PPP6R3: variants seen among roughly 807,000 people sequenced by gnomAD.
The protein encoded by PPP6R3 is protein phosphatase 6 regulatory subunit 3, also known as serine/threonine-protein phosphatase 6 regulatory subunit 3.
A neutral mutation model predicts 110.7 loss-of-function variants in PPP6R3; 38 were observed. That is an observed-to-expected ratio of 0.34 (90% CI 0.26 to 0.45). The LOEUF (loss-of-function observed/expected upper bound fraction) is 0.45, where lower values mean the gene tolerates loss of function less well. PPP6R3 is among the 20% of genes least tolerant of loss of function. PPP6R3 has a pLI of 1.00. For missense variants in PPP6R3, 870 were observed against 1,062.4 expected, an observed-to-expected ratio of 0.82 and a Z score of 2.52; for synonymous variants, 369 against 373.5, an observed-to-expected ratio of 0.99 and a Z score of 0.14.
At position 68,596,177 on chromosome 11, in the gene PPP6R3, G is replaced by A. The variant is rs376760569; in HGVS notation, c.1997G>A (p.Ser666Asn). Residue 666 changes from serine to asparagine, a missense_variant, in exon 19 of 24, where the codon AGT becomes AAT. Coordinates refer to ENST00000393800, the MANE Select transcript of PPP6R3 (RefSeq NM_001164161.2). ...GAKQDLFEPSSANTEDKMEVD... is the reference protein window; with the variant it reads ...GAKQDLFEPSNANTEDKMEVD... ...AAGCAAGACTTGTTTGAACCCAGCA[G>A]TGCCAACACGGAGGATAAAATGGAG... 60 of 1,614,134 alleles carry A rather than the reference G, an allele frequency of 3.7e-5. No individual in the cohort carries two copies. Among genetic ancestry groups the A allele is most frequent in the Non-Finnish European group, 4.6e-5 (54 of 1,180,038 alleles).
intron 6 of PPP6R3, among the ~76,000 whole-genome samples, chr11:68,553,116 C>A (rs1204791708): frequency 1.3e-5 from 2 of 152,088 alleles, no homozygotes; most frequent in Non-Finnish European, 2.9e-5. Flanking sequence ...TATGAGTGTT[C>A]TGCCTGTATT....
In PPP6R3 at chr11:68,614,222, A is replaced by AT. The variant is rs140103060; in HGVS notation, c.*1112dup. 2,018 of 987,926 alleles carry AT rather than the reference A, an allele frequency of 2.0e-3. 34 individuals are homozygous for AT. The African/African-American group carries it at 0.033, about 16-fold the overall frequency. 61.2% of individuals were successfully genotyped at this position (987,926 alleles called of 1,614,324 possible). A position where few individuals can be genotyped will look rare whatever the true frequency, so the allele number is the denominator to read the frequency against. On this transcript the variant is annotated 3_prime_UTR_variant, in exon 24 of 24. Coordinates refer to ENST00000393800, the MANE Select transcript of PPP6R3 (RefSeq NM_001164161.2). ...TTCACTCATAAATTTAAACCAGTGT[A>AT]TTTTTTTAGAACTGGTTTGTGTATA... is the stretch of plus-strand genomic sequence containing the variant.
chr11:68,521,867 A>G (rs1057402057), intron 2 of PPP6R3, among the ~76,000 whole-genome samples: 2 of 152,136 alleles, frequency 1.3e-5, no homozygotes, highest in Non-Finnish European at 2.9e-5. Context: ...TTCTAGGGGG[A>G]TAATATTTCA....
At chr11:68,589,150 A>G (rs919351649) in intron 16 of PPP6R3, among the ~76,000 whole-genome samples, 1 of 152,066 alleles carries the variant, frequency 6.6e-6, no homozygotes, top group Admixed American at 6.6e-5. Flanking sequence ...CAGAGGTTGC[A>G]GTGAGCCAGG....
Position 68,609,931 on chromosome 11 carries a change from A to G in PPP6R3, c.2478A>G (p.Gln826=). The change falls in exon 23 of 24, where the codon CAA becomes CAG. Residue 826 remains glutamine (Q), a synonymous_variant. Coordinates refer to ENST00000393800, the MANE Select transcript of PPP6R3 (RefSeq NM_001164161.2). ...KSEEGKLSTS[Q]DAACKDAEEC... ...AGGAAGGGAAACTGTCTACCTCTCA[A>G]GATGCTGCTTGTAAAGACGCAGAGG... 6.2e-7 allele frequency: 1 copy of G among 1,614,096 alleles called. No individual in the cohort carries two copies. The highest frequency in any genetic ancestry group is 8.5e-7 in the Non-Finnish European group (1 of 1,180,004).
chr11:68,572,701 A>G (rs146866717), intron 12 of PPP6R3, among the ~76,000 whole-genome samples: 208 of 152,082 alleles, frequency 1.4e-3, no homozygotes, highest in Non-Finnish European at 1.8e-3. Flanking sequence ...AATTAGCCGG[A>G]TGTGGTGGTA....
chr11:68,540,947 C>T (rs1214967259), intron 3 of PPP6R3, among the ~76,000 whole-genome samples: 3 of 152,086 alleles, frequency 2.0e-5, no homozygotes, highest in Non-Finnish European at 4.4e-5. Context: ...ACAATTTGTG[C>T]AGTTAAGGCA....
chr11:68,525,076 T>G (rs2099189417), intron 2 of PPP6R3, among the ~76,000 whole-genome samples: 1 of 152,226 alleles, frequency 6.6e-6, no homozygotes, highest in Non-Finnish European at 1.5e-5. Flanking sequence ...AAGTGCACAC[T>G]TTGGAGCTAG....
chr11:68,614,398 C>G lies in PPP6R3; in HGVS notation c.*1281C>G. On this transcript the variant is annotated 3_prime_UTR_variant, in exon 24 of 24. Transcript: ENST00000393800. ...GGGTTAAATTACTTCACCTCTTGCA[C>G]TTTTAGATGCAAATCAGTTTTTCAT... The G allele has an allele frequency of 3.9e-6, 5 of 1,277,550 alleles. No individual in the cohort carries two copies. In the South Asian group the frequency reaches 9.5e-5, roughly 24 times the overall value. 79.1% of individuals were successfully genotyped at this position (1,277,550 alleles called of 1,614,324 possible). A position where few individuals can be genotyped will look rare whatever the true frequency, so the allele number is the denominator to read the frequency against.
chr11:68,543,292 T>A (rs1303874887), intron 3 of PPP6R3, among the ~76,000 whole-genome samples: 2 of 152,160 alleles, frequency 1.3e-5, no homozygotes, highest in Non-Finnish European at 2.9e-5. Flanking sequence ...AGCCCACTCC[T>A]GGGATAATGG....
chr11:68,583,540 CT>C (rs1322007956), intron 15 of PPP6R3, among the ~76,000 whole-genome samples: 8 of 152,218 alleles, frequency 5.3e-5, no homozygotes, highest in East Asian at 3.8e-4. Context: ...ACGAATACCC[CT>C]GATGTAAGTT....
chr11:68,594,733 C>T (rs960438291), intron 18 of PPP6R3, among the ~76,000 whole-genome samples: 2 of 152,168 alleles, frequency 1.3e-5, no homozygotes, highest in Non-Finnish European at 2.9e-5. Context: ...CAAGCTGCTT[C>T]TTAAATTCAT....
chr11:68,615,165 T>C lies in PPP6R3; in HGVS notation c.*2048T>C. The stretch of plus-strand genomic sequence containing the variant: ...ATGACAATGGGGAGGACAGTTCTTT[T>C]GGAGGTTGGAGGGGCCAAGCCAAGG... On this transcript the variant is annotated 3_prime_UTR_variant, in exon 24 of 24. Transcript: ENST00000393800. The C allele has an allele frequency of 2.2e-6, 1 of 446,714 alleles. No homozygotes were observed. The allele number at this position is 446,714 out of a possible 1,614,324, so 27.7% of individuals were successfully genotyped here. A position where few individuals can be genotyped will look rare whatever the true frequency, so the allele number is the denominator to read the frequency against.
intron 1 of PPP6R3, among the ~76,000 whole-genome samples, chr11:68,463,355 GAAAAAAA>G (rs1156285158): frequency 0.022 from 1,205 of 54,626 alleles, 22 homozygotes; most frequent in African/African-American, 0.074. Flanking sequence ...CTCAGTCTCA[GAAAAAAA>G]AAAAAAAAAA....
chr11:68,610,830 A>C (rs12798915), intron 23 of PPP6R3, among the ~76,000 whole-genome samples: 2 of 152,064 alleles, frequency 1.3e-5, no homozygotes, highest in South Asian at 2.1e-4. Flanking sequence ...ATTTCAGAGA[A>C]GTTTTAACCC....
chr11:68,559,343 C>G (rs1297333386), intron 8 of PPP6R3, among the ~76,000 whole-genome samples: 1 of 152,248 alleles, frequency 6.6e-6, no homozygotes, highest in Non-Finnish European at 1.5e-5. Context: ...CAGATTTACT[C>G]ATTATCAGAG....
In PPP6R3 at chr11:68,590,726, C is replaced by T. The variant is rs1285140239; in HGVS notation, c.1785+12C>T. ...ATACAAATGAAAGTGTAAGTATAAACTCTGTTGTGAGCAGTGTGGCACATG... is the reference window on the plus strand; with the variant it reads ...ATACAAATGAAAGTGTAAGTATAAATTCTGTTGTGAGCAGTGTGGCACATG... On this transcript the variant is annotated intron_variant, in intron 17 of 23. Transcript: ENST00000393800. The T allele has an allele frequency of 6.3e-7, 1 of 1,581,038 alleles. No individual in the cohort carries two copies. Among genetic ancestry groups the T allele is most frequent in the Non-Finnish European group, 8.6e-7 (1 of 1,157,330 alleles).
intron 3 of PPP6R3, among the ~76,000 whole-genome samples, chr11:68,538,994 C>T (rs554574024): frequency 1.2e-4 from 19 of 152,312 alleles, no homozygotes; most frequent in African/African-American, 4.1e-4. Context: ...GTGGCAGGCA[C>T]CTGTAATCCC....
At position 68,601,851 on chromosome 11, in the gene PPP6R3, CTT is replaced by C. The variant is rs1162845116; in HGVS notation, c.2193-7_2193-6del. The C allele has an allele frequency of 3.1e-6, 5 of 1,602,714 alleles. No individual in the cohort carries two copies. The highest frequency in any genetic ancestry group is 4.3e-6 in the Non-Finnish European group (5 of 1,170,900). On this transcript the variant is annotated splice_polypyrimidine_tract_variant and intron_variant, in intron 20 of 23. Transcript: ENST00000393800. ...CCTGCTGCTAATATCTGAATTTTCT[CTT>C]TTTTGAAAGCACAAAAGATTCTTTA...
Sources: gnomAD v4.1 joint callset for allele counts (sites outside exome capture counted in the v4.1 genomes callset) on GRCh38, gnomAD v4.1.1 for gene constraint, MANE v1.5 for transcripts, NCBI Gene and HGNC (gene_info 2026-07-23, HGNC 2026-07-21) for gene names.